MON1A: variants seen among roughly 807,000 people sequenced by gnomAD.
MON1A encodes vacuolar fusion protein MON1 homolog A.
A neutral mutation model predicts 44.6 loss-of-function variants in MON1A; 29 were observed. The observed-to-expected ratio is 0.65, with a 90% CI of 0.48 to 0.89. MON1A has a LOEUF of 0.89. Among genes scored for constraint, MON1A ranks in the 40% least tolerant of loss-of-function variants. The probability of loss-of-function intolerance (pLI) is 0.00; values close to 1 mark genes in which losing one functional copy is unlikely to be tolerated. For missense variants in MON1A, 615 were observed against 759.6 expected (o/e 0.81, Z 2.24); for synonymous variants, 275 against 316.4 (o/e 0.87, Z 1.39).
At chr3:49,916,269 A>G (rs1228151912) in intron 1 of MON1A, among the ~76,000 whole-genome samples, 1 of 152,226 alleles carries the variant, frequency 6.6e-6, no homozygotes, top group Non-Finnish European at 1.5e-5. Flanking sequence ...TAGCATCACC[A>G]TCAGTAGCAT....
At chr3:49,928,083 G>A (rs2083065124) in intron 1 of MON1A, among the ~76,000 whole-genome samples, 1 of 152,194 alleles carries the variant, frequency 6.6e-6, no homozygotes, top group Admixed American at 6.5e-5. Context: ...CAGTGTGGCT[G>A]AGTGGTACCC....
At chr3:49,928,809 G>A (rs1313507996) in intron 1 of MON1A, among the ~76,000 whole-genome samples, 2 of 152,116 alleles carry the variant, frequency 1.3e-5, no homozygotes, top group Admixed American at 6.6e-5. Flanking sequence ...CACTTCTGGC[G>A]GTTACTTCCC....
In MON1A at chr3:49,910,009, C is replaced by CAA; in HGVS notation, c.1379+108_1379+109dup. On this transcript the variant is annotated intron_variant, in intron 4 of 5. Transcript: ENST00000296473. This position sits in a 1 kb window ranked among gnomAD's most constrained non-coding sequence, Gnocchi z 8.0. The stretch of plus-strand genomic sequence containing the variant: ...CAGGCCCAGCACACTGGTCTGCTTC[C>CAA]AAAGGTAGGGACAGCTTCAGGGCTA... 1 of 1,293,706 alleles carries CAA rather than the reference C, an allele frequency of 7.7e-7. No homozygotes were observed. Among genetic ancestry groups the CAA allele is most frequent in the Non-Finnish European group, 1.1e-6 (1 of 935,760 alleles). The allele number at this position is 1,293,706 out of a possible 1,614,324, so 80.1% of individuals were successfully genotyped here. A position where few individuals can be genotyped will look rare whatever the true frequency, so the allele number is the denominator to read the frequency against.
chr3:49,918,432 GAC>G (rs2082967317), intron 1 of MON1A, among the ~76,000 whole-genome samples: 2 of 148,596 alleles, frequency 1.3e-5, no homozygotes, highest in African/African-American at 5.0e-5. Flanking sequence ...TTTTTTTTGA[GAC>G]AGAGTCTCAC....
In MON1A at chr3:49,909,403, G is replaced by A. The variant is rs2082848969; in HGVS notation, c.1380-3C>T. 3.7e-6 allele frequency: 6 copies of A among 1,613,920 alleles called. No homozygotes were observed. The East Asian group carries it at 1.3e-4, about 36-fold the overall frequency. ...TGTATGGGGCCTCAATCTCAGGGCT[G>A]CAGACAGGGTGGAGGGAGTGGGTTT... On this transcript the variant is annotated splice_region_variant and splice_polypyrimidine_tract_variant and intron_variant, in intron 4 of 5. Coordinates refer to ENST00000296473, the MANE Select transcript of MON1A (RefSeq NM_032355.4). The surrounding 1 kb of genome is among the most constrained non-coding windows in gnomAD (Gnocchi z 4.0).
rs2082983637 is a variant in MON1A, at chr3:49,920,086, C to T, written c.-13-6727G>A. On this transcript the variant is annotated intron_variant, in intron 1 of 5. Coordinates refer to ENST00000296473, the MANE Select transcript of MON1A (RefSeq NM_032355.4). ...TGTCTCTGCCGTAGCCTCTCCATTT[C>T]TCCCATTCTCTCTAAACCAGTTCTG... Among the ~76,000 whole-genome samples the T allele has an allele frequency of 2.6e-5, 4 of 152,240 alleles. No individual in the cohort carries two copies. The South Asian group carries it at 8.3e-4, about 31-fold the overall frequency.
intron 1 of MON1A, among the ~76,000 whole-genome samples, chr3:49,913,658 G>GTTTTTTTTTTTTTTTTTTTTTTTTTTTT (rs1559493127): frequency 2.5e-5 from 3 of 121,446 alleles, no homozygotes; most frequent in African/African-American, 6.4e-5. Flanking sequence ...TTTCCTTCTA[G>GTTTTTTTTTTTTTTTTTTTTTTTTTTTT]TATTTTTTTT....
chr3:49,923,451 C>T (rs1410069277), intron 1 of MON1A, among the ~76,000 whole-genome samples: 2 of 147,488 alleles, frequency 1.4e-5, no homozygotes, highest in African/African-American at 2.5e-5. Flanking sequence ...AAGGGAAGAA[C>T]GAAAGAAAGA....
Position 49,910,163 on chromosome 3 carries a change from C to T in MON1A, c.1335G>A (p.Leu445=). The T allele has an allele frequency of 6.2e-7, 1 of 1,608,302 alleles. No homozygotes were observed. Among genetic ancestry groups the T allele is most frequent in the Non-Finnish European group, 8.5e-7 (1 of 1,175,430 alleles). Reference sequence around the variant, plus strand: ...TCTTTGACTTATAGAGGAAGTGACGCAGGTCAGGGATGCCCACTTGGGCAA... The same window carrying T: ...TCTTTGACTTATAGAGGAAGTGACGTAGGTCAGGGATGCCCACTTGGGCAA... ...YSVAQVGIPD[L]RHFLYKSKSS... Residue 445 remains leucine (L), a synonymous_variant, in exon 4 of 6, where the codon CTG becomes CTA. Coordinates refer to ENST00000296473, the MANE Select transcript of MON1A (RefSeq NM_032355.4). The surrounding 1 kb of genome is among the most constrained non-coding windows in gnomAD (Gnocchi z 8.0).
At position 49,910,818 on chromosome 3, in the gene MON1A, T is replaced by C. The variant is rs1222359209; in HGVS notation, c.680A>G (p.Gln227Arg). The C allele has an allele frequency of 6.2e-7, 1 of 1,612,496 alleles. No homozygotes were observed. The part of the protein sequence containing the change: ...LVLVAVARTR[Q>R]SAQELAQELL... Reference sequence around the variant, plus strand: ...CTCCTGCGCCAGCTCTTGTGCCGACTGCCGCGTACGAGCCACCGCCACTAG... The same window carrying C: ...CTCCTGCGCCAGCTCTTGTGCCGACCGCCGCGTACGAGCCACCGCCACTAG... The change falls in exon 4 of 6, where the codon CAG becomes CGG. Residue 227 changes from glutamine (Q) to arginine (R), a missense_variant. Coordinates refer to ENST00000296473, the MANE Select transcript of MON1A (RefSeq NM_032355.4). This position sits in a 1 kb window ranked among gnomAD's most constrained non-coding sequence, Gnocchi z 8.0.
In MON1A at chr3:49,910,902, A is replaced by G; in HGVS notation, c.614-18T>C. The G allele has an allele frequency of 6.3e-7, 1 of 1,575,204 alleles. No homozygotes were observed. ...GTAGCCATCTGAGAGCGGGACAGGA[A>G]AGAAGGATGTCAGCCTCAGCGGCAG... On this transcript the variant is annotated intron_variant, in intron 3 of 5. Coordinates refer to ENST00000296473, the MANE Select transcript of MON1A (RefSeq NM_032355.4). The surrounding 1 kb of genome is among the most constrained non-coding windows in gnomAD (Gnocchi z 8.0).
intron 2 of MON1A, 42 bp downstream of exon 2, chr3:49,913,178 G>C (rs1455574552): frequency 6.2e-7 from 1 of 1,614,032 alleles, no homozygotes; most frequent in Admixed American, 1.7e-5. Context: ...CCTGGAGACT[G>C]CTCTGGTTGG....
chr3:49,916,394 T>C (rs2082943617), intron 1 of MON1A: 1 of 152,228 alleles, frequency 6.6e-6, no homozygotes, highest in African/African-American at 2.4e-5. Flanking sequence ...CTCTTCTTTT[T>C]GTCACCTTTA....
chr3:49,912,378 C>T lies in MON1A; in HGVS notation c.128-367G>A, dbSNP rs147489110. The T allele has an allele frequency of 3.3e-4, 65 of 198,384 alleles. 1 individual carries two copies. The East Asian group carries it at 7.7e-3, about 23-fold the overall frequency. 12.3% of individuals were successfully genotyped at this position (198,384 alleles called of 1,614,324 possible). A position where few individuals can be genotyped will look rare whatever the true frequency, so the allele number is the denominator to read the frequency against. On this transcript the variant is annotated intron_variant, in intron 2 of 5. Transcript: ENST00000296473. Reference sequence around the variant, plus strand: ...GCCTCAGGAGCTCCACACCTGCTGTCAGCTGTCTCCTACCTCCCCAAGAGG... The same window carrying T: ...GCCTCAGGAGCTCCACACCTGCTGTTAGCTGTCTCCTACCTCCCCAAGAGG...
chr3:49,912,039 AG>A, intron 2 of MON1A, 28 bp from the exon 3 acceptor site: 1 of 1,534,736 alleles, frequency 6.5e-7, no homozygotes, highest in South Asian at 1.3e-5. Flanking sequence ...TGGTGCTTAG[AG>A]GGGTAGCTAG....
At chr3:49,918,034 G>A (rs2082962728) in intron 1 of MON1A, among the ~76,000 whole-genome samples, 1 of 150,816 alleles carries the variant, frequency 6.6e-6, no homozygotes, top group African/African-American at 2.4e-5. Context: ...AACCAAAATT[G>A]CGTCTCAAAA....
At chr3:49,920,094 C>A (rs2082983784) in intron 1 of MON1A, among the ~76,000 whole-genome samples, 1 of 152,204 alleles carries the variant, frequency 6.6e-6, no homozygotes, top group Non-Finnish European at 1.5e-5. Context: ...TTCTCCCATT[C>A]TCTCTAAACC....
chr3:49,916,832 C>A (rs2082948926), intron 1 of MON1A: 1 of 152,354 alleles, frequency 6.6e-6, no homozygotes, highest in Admixed American at 6.5e-5. Context: ...AAAACAACCA[C>A]CACAACACCA....
In MON1A at chr3:49,910,286, AAAG is replaced by A. The variant is rs753235707; in HGVS notation, c.1209_1211del (p.Phe404del). On this transcript the variant is annotated inframe_deletion, in exon 4 of 6. Coordinates refer to ENST00000296473, the MANE Select transcript of MON1A (RefSeq NM_032355.4). This position sits in a 1 kb window ranked among gnomAD's most constrained non-coding sequence, Gnocchi z 8.0. The stretch of plus-strand genomic sequence containing the variant: ...AGCGGCGGCGGCAGTCAGAGACTGC[AAAG>A]AAGTCCTCACGGTCAGTGGAGACAA... 9 of 1,614,186 alleles carry A rather than the reference AAAG, an allele frequency of 5.6e-6. No homozygotes were observed. The highest frequency in any genetic ancestry group is 7.6e-6 in the Non-Finnish European group (9 of 1,180,022).
Sources: gnomAD v4.1 joint callset for allele counts (sites outside exome capture counted in the v4.1 genomes callset) on GRCh38, gnomAD v4.1.1 for gene constraint, Gnocchi (gnomAD v3.1) non-coding constraint, MANE v1.5 for transcripts, NCBI Gene and HGNC (gene_info 2026-07-23, HGNC 2026-07-21) for gene names.